Variants in STON2 observed in about 807,000 individuals in gnomAD.
STON2 encodes the protein stonin 2.
Under a neutral mutation model 65.7 loss-of-function variants are expected in STON2, and 29 were observed. That is an observed-to-expected ratio of 0.44 (90% CI 0.33 to 0.60). The LOEUF is 0.60. STON2 is among the 20% of genes least tolerant of loss of function. The pLI is 0.03. For synonymous variants in STON2, 404 were observed against 414.2 expected, an observed-to-expected ratio of 0.98 and a Z score of 0.30; for missense variants, 1,054 against 1,118.1, an observed-to-expected ratio of 0.94 and a Z score of 0.82.
rs889103293 is a variant in STON2 at position 81,261,611 on chromosome 14, C to T, written c.*6803G>A. ...CTTACAAATAGTCCCAGGATGTTTA[C>T]TGAGTGTCCTCCTTCAATTTTCACA... On this transcript the variant is annotated 3_prime_UTR_variant, in exon 8 of 8. Transcript: ENST00000614646. The T allele has an allele frequency of 3.3e-6, 2 of 599,772 alleles. No homozygotes were observed. Among genetic ancestry groups the T allele is most frequent in the East Asian group, 6.8e-5 (2 of 29,354 alleles). 37.2% of individuals were successfully genotyped at this position (599,772 alleles called of 1,614,324 possible). A position where few individuals can be genotyped will look rare whatever the true frequency, so the allele number is the denominator to read the frequency against.
intron 4 of STON2, among the ~76,000 whole-genome samples, chr14:81,345,379 T>G (rs945660649): frequency 1.3e-5 from 2 of 151,964 alleles, no homozygotes; most frequent in African/African-American, 4.8e-5. Context: ...AAAGGGGAGA[T>G]CATGTGAAGA....
chr14:81,362,752 C>T (rs1898550658), intron 4 of STON2, among the ~76,000 whole-genome samples: 1 of 152,056 alleles, frequency 6.6e-6, no homozygotes, highest in Admixed American at 6.6e-5. Flanking sequence ...CCCATAAATA[C>T]ATATAATTTG....
chr14:81,422,146 C>T (rs1454755018), intron 2 of STON2, among the ~76,000 whole-genome samples: 2 of 152,158 alleles, frequency 1.3e-5, no homozygotes, highest in East Asian at 3.9e-4. Flanking sequence ...GTTTGATCCC[C>T]AGTGTTGGTG....
chr14:81,403,202 C>T (rs1900689566), upstream of STON2, among the ~76,000 whole-genome samples: 1 of 152,148 alleles, frequency 6.6e-6, no homozygotes, highest in African/African-American at 2.4e-5. Flanking sequence ...TTATTAAATA[C>T]TATATTTGGG....
intron 2 of STON2, among the ~76,000 whole-genome samples, chr14:81,420,190 G>A (rs761571834): frequency 3.3e-5 from 5 of 152,214 alleles, no homozygotes; most frequent in East Asian, 3.8e-4. Context: ...TCGGATGGCC[G>A]AATGATTCAG....
intron 5 of STON2, among the ~76,000 whole-genome samples, chr14:81,315,625 A>G (rs1180023636): frequency 6.6e-6 from 1 of 152,276 alleles, no homozygotes; most frequent in Non-Finnish European, 1.5e-5. Context: ...CGCAGAGAAC[A>G]TTAACCCTTC....
intron 3 of STON2, among the ~76,000 whole-genome samples, chr14:81,390,652 A>C (rs1900038264): frequency 6.6e-6 from 1 of 152,222 alleles, no homozygotes; most frequent in Admixed American, 6.5e-5. Flanking sequence ...CCTAATTCAG[A>C]CTGACTCATT....
At chr14:81,270,938 A>T (rs1894560420) in intron 6 of STON2, 66 bp from the exon 7 acceptor site, 1 of 1,561,786 alleles carries the variant, frequency 6.4e-7, no homozygotes, top group African/African-American at 1.4e-5. Context: ...CAGCCAAAGG[A>T]GCCACTTTGG....
chr14:81,272,732 T>C (rs555709877), intron 6 of STON2, among the ~76,000 whole-genome samples: 2 of 152,358 alleles, frequency 1.3e-5, no homozygotes, highest in African/African-American at 4.8e-5. Flanking sequence ...TCAATGTTTT[T>C]AAATTGTGTG....
At chr14:81,417,541 G>GA (rs1197213944) in intron 2 of STON2, among the ~76,000 whole-genome samples, 7 of 152,210 alleles carry the variant, frequency 4.6e-5, no homozygotes, top group African/African-American at 1.7e-4. Context: ...TAAGGGCAGA[G>GA]AAGACCTCAA....
At chr14:81,357,987 A>G (rs1348213214) in intron 4 of STON2, among the ~76,000 whole-genome samples, 5 of 151,748 alleles carry the variant, frequency 3.3e-5, no homozygotes, top group African/African-American at 1.2e-4. Context: ...ATGTATACCT[A>G]TGTAACTAAC....
At chr14:81,414,428 C>G (rs1364912200) in intron 2 of STON2, among the ~76,000 whole-genome samples, 2 of 152,112 alleles carry the variant, frequency 1.3e-5, no homozygotes, top group African/African-American at 4.8e-5. Context: ...CTCCATCCAA[C>G]CTTTAGAACC....
rs189938467 is a variant in STON2, at chr14:81,265,280, G to C, written c.*3134C>G. On this transcript the variant is annotated 3_prime_UTR_variant, in exon 8 of 8. Transcript: ENST00000614646. Reference sequence around the variant, plus strand: ...TATTATTATCCCCAAACCCCTAAATGCTACCCATAATCAGTTTCCTAAAAA... The same window carrying C: ...TATTATTATCCCCAAACCCCTAAATCCTACCCATAATCAGTTTCCTAAAAA... 5.9e-4 allele frequency: 578 copies of C among 983,728 alleles called. 3 individuals carry two copies. The highest frequency in any genetic ancestry group is 8.9e-4 in the South Asian group (19 of 21,230). 60.9% of individuals were successfully genotyped at this position (983,728 alleles called of 1,614,324 possible).
At chr14:81,428,654 C>G (rs1218023443) in intron 1 of STON2, among the ~76,000 whole-genome samples, 1 of 152,000 alleles carries the variant, frequency 6.6e-6, no homozygotes, top group African/African-American at 2.4e-5. Flanking sequence ...ACCCAGGAGG[C>G]AGAGGCTGCA....
At position 81,408,251 on chromosome 14, in the gene STON2, C is replaced by T. The variant is rs1197547964; in HGVS notation, c.-198-9671G>A. Reference sequence around the variant, plus strand: ...TCCTGGTTGTTTGCTCTTATTATTTCGACGTTTAAAAATTTCATTCTTTCA... The same window carrying T: ...TCCTGGTTGTTTGCTCTTATTATTTTGACGTTTAAAAATTTCATTCTTTCA... On this transcript the variant is annotated intron_variant, in intron 2 of 8. Coordinates refer to the STON2 transcript ENST00000553821. Among the ~76,000 whole-genome samples the T allele has an allele frequency of 4.6e-5, 7 of 152,014 alleles. No individual in the cohort carries two copies. The South Asian group carries it at 1.0e-3, about 23-fold the overall frequency.
rs1399501038 is a variant in STON2, at chr14:81,265,777, G to A, written c.*2637C>T. On this transcript the variant is annotated 3_prime_UTR_variant, in exon 8 of 8. Coordinates refer to ENST00000614646, the MANE Select transcript of STON2 (RefSeq NM_001394390.1). ...TTGGTAAAAAAAACAAAAAAGTCCA[G>A]GTGCATGTACACAGGAAATGAGAAT... The A allele has an allele frequency of 1.4e-5, 14 of 985,022 alleles. No homozygotes were observed. The highest frequency in any genetic ancestry group is 1.7e-5 in the African/African-American group (1 of 57,154). 61.0% of individuals were successfully genotyped at this position (985,022 alleles called of 1,614,324 possible). A position where few individuals can be genotyped will look rare whatever the true frequency, so the allele number is the denominator to read the frequency against.
intron 3 of STON2, among the ~76,000 whole-genome samples, chr14:81,373,235 C>T (rs1187067275): frequency 2.6e-5 from 4 of 152,042 alleles, no homozygotes; most frequent in Non-Finnish European, 5.9e-5. Flanking sequence ...GTTATATCAA[C>T]AGAAGCACCA....
chr14:81,408,144 C>G (rs976024460), intron 2 of STON2, among the ~76,000 whole-genome samples: 1 of 140,212 alleles, frequency 7.1e-6, no homozygotes, highest in Admixed American at 7.0e-5. Flanking sequence ...AGAACACACA[C>G]ACACACACAC....
chr14:81,372,054 C>T (rs1214133197), intron 3 of STON2, among the ~76,000 whole-genome samples: 1 of 152,182 alleles, frequency 6.6e-6, no homozygotes, highest in East Asian at 1.9e-4. Flanking sequence ...AGGCTGCCAA[C>T]CTGCTGCAAT....
Sources: gnomAD v4.1 joint callset for allele counts (sites outside exome capture counted in the v4.1 genomes callset) on GRCh38, gnomAD v4.1.1 for gene constraint, MANE v1.5 for transcripts, NCBI Gene and HGNC (gene_info 2026-07-23, HGNC 2026-07-21) for gene names.